Variants in ADAM2 observed in about 807,000 individuals in gnomAD.
ADAM2 encodes the protein ADAM metallopeptidase domain 2, also known as disintegrin and metalloproteinase domain-containing protein 2.
A neutral mutation model predicts 99.3 loss-of-function variants in ADAM2; 101 were observed. The ratio of observed to expected loss-of-function variants is 1.02; its 90% CI spans 0.87 to 1.20. The LOEUF is 1.20. ADAM2 is among the 50% of genes most tolerant of loss of function. The pLI, the probability that ADAM2 is intolerant of heterozygous loss-of-function variation, is 0.00. For synonymous variants in ADAM2, 323 were observed against 287.6 expected (o/e 1.12, Z -1.25); for missense variants, 948 against 878.7 (o/e 1.08, Z -1.00).
In ADAM2 at chr8:39,821,166, C is replaced by T. The variant is rs752769589; in HGVS notation, c.349G>A (p.Val117Ile). 43 of 1,566,378 alleles carry T rather than the reference C, an allele frequency of 2.7e-5. No individual in the cohort carries two copies. Among genetic ancestry groups the T allele is most frequent in the South Asian group, 1.9e-4 (16 of 82,264 alleles). Residue 117 changes from valine to isoleucine, a missense_variant, in exon 6 of 21, where the codon GTA (valine) becomes ATA (isoleucine). Val to Ile is a conservative substitution (Grantham distance 29, BLOSUM62 3). Coordinates refer to ENST00000265708, the MANE Select transcript of ADAM2 (RefSeq NM_001464.5). ...TAACTAACATTTTCAAACTGTAGTA[C>T]GCCCCTAAAAATTTCAAAAAAAAAT... ...MVSTCTGLRG[V>I]LQFENVSYGI...
intron 11 of ADAM2, among the ~76,000 whole-genome samples, chr8:39,773,872 T>C (rs1264581009): frequency 6.6e-6 from 1 of 151,812 alleles, no homozygotes; most frequent in African/African-American, 2.4e-5. Flanking sequence ...GTCAAAGGAA[T>C]TGCAAGAGAA....
chr8:39,800,048 G>A (rs1345153534), intron 7 of ADAM2, among the ~76,000 whole-genome samples: 1 of 152,084 alleles, frequency 6.6e-6, no homozygotes, highest in Admixed American at 6.5e-5. Flanking sequence ...ATTGCTATGT[G>A]TGAATGTGAT....
At chr8:39,750,600 C>A (rs893269081) in intron 16 of ADAM2, among the ~76,000 whole-genome samples, 10 of 152,058 alleles carry the variant, frequency 6.6e-5, no homozygotes, top group Admixed American at 6.6e-4. Flanking sequence ...AAATGATAAG[C>A]ATACAATGAA....
At chr8:39,835,725 T>C (rs1805796164) in intron 2 of ADAM2, among the ~76,000 whole-genome samples, 1 of 152,054 alleles carries the variant, frequency 6.6e-6, no homozygotes, top group African/African-American at 2.4e-5. Context: ...AATAATCTTA[T>C]GGTTTCTAGC....
intron 2 of ADAM2, among the ~76,000 whole-genome samples, chr8:39,836,224 A>G (rs1261146735): frequency 6.6e-6 from 1 of 152,042 alleles, no homozygotes; most frequent in African/African-American, 2.4e-5. Flanking sequence ...TACTTATTGC[A>G]AATAACTATC....
At chr8:39,773,308 G>C (rs1399892927) in intron 11 of ADAM2, among the ~76,000 whole-genome samples, 3 of 151,748 alleles carry the variant, frequency 2.0e-5, no homozygotes, top group African/African-American at 4.8e-5. Flanking sequence ...CTTGTGATTA[G>C]AGAGAAATGC....
At chr8:39,773,630 T>C (rs185535395) in intron 11 of ADAM2, among the ~76,000 whole-genome samples, 1 of 151,862 alleles carries the variant, frequency 6.6e-6, no homozygotes, top group Non-Finnish European at 1.5e-5. Context: ...AAAGATTTTA[T>C]GAAAAATTAA....
chr8:39,765,681 A>T (rs1802541966), intron 14 of ADAM2, among the ~76,000 whole-genome samples: 1 of 152,092 alleles, frequency 6.6e-6, no homozygotes, highest in South Asian at 2.1e-4. Flanking sequence ...AATCATCCAC[A>T]TTGTGGTACC....
chr8:39,814,010 C>T (rs984552635), intron 6 of ADAM2, among the ~76,000 whole-genome samples: 1 of 151,568 alleles, frequency 6.6e-6, no homozygotes, highest in Non-Finnish European at 1.5e-5. Flanking sequence ...TACACAGATG[C>T]ATGAGAGAAT....
At chr8:39,745,077 C>G (rs945361858) in intron 19 of ADAM2, among the ~76,000 whole-genome samples, 184 bp from the exon 20 acceptor site, 3 of 152,048 alleles carry the variant, frequency 2.0e-5, no homozygotes, top group African/African-American at 4.8e-5. Flanking sequence ...TAATGAACAT[C>G]TTTGCATCAG....
intron 7 of ADAM2, among the ~76,000 whole-genome samples, chr8:39,801,944 C>G (rs981691668): frequency 6.6e-6 from 1 of 152,042 alleles, no homozygotes; most frequent in Non-Finnish European, 1.5e-5. Flanking sequence ...TAGGCAGTTG[C>G]TAGTCCCAGA....
At chr8:39,798,441 C>T (rs1045198458) in intron 7 of ADAM2, among the ~76,000 whole-genome samples, 3 of 152,020 alleles carry the variant, frequency 2.0e-5, no homozygotes, top group Non-Finnish European at 4.4e-5. Flanking sequence ...TTTGGTTTGC[C>T]AGTATTTTAT....
intron 7 of ADAM2, among the ~76,000 whole-genome samples, chr8:39,794,419 C>T (rs1451715090): frequency 6.6e-6 from 1 of 152,020 alleles, no homozygotes; most frequent in East Asian, 1.9e-4. Context: ...CTATAGCATG[C>T]TGGTTTATTT....
chr8:39,797,624 T>G (rs550191788), intron 7 of ADAM2, among the ~76,000 whole-genome samples: 1 of 152,366 alleles, frequency 6.6e-6, no homozygotes, highest in South Asian at 2.1e-4. Flanking sequence ...ATTGAATCTA[T>G]AAATTACTTT....
At chr8:39,829,888 C>T (rs1805549369) in intron 3 of ADAM2, among the ~76,000 whole-genome samples, 1 of 151,924 alleles carries the variant, frequency 6.6e-6, no homozygotes, top group African/African-American at 2.4e-5. Flanking sequence ...CATCATAATT[C>T]ATTTATTTAG....
At chr8:39,814,951 G>C (rs1000412351) in intron 6 of ADAM2, among the ~76,000 whole-genome samples, 2 of 151,756 alleles carry the variant, frequency 1.3e-5, no homozygotes, top group Non-Finnish European at 2.9e-5. Flanking sequence ...GTCAGAAAAA[G>C]TAAGAAAGAA....
intron 7 of ADAM2, among the ~76,000 whole-genome samples, chr8:39,791,059 T>TAA (rs201261869): frequency 1.4e-5 from 2 of 143,334 alleles, no homozygotes; most frequent in Admixed American, 1.4e-4. Context: ...ACTTACAATT[T>TAA]AAAAAAAAAA....
intron 14 of ADAM2, among the ~76,000 whole-genome samples, chr8:39,763,555 C>G (rs1468185203): frequency 6.6e-6 from 1 of 152,226 alleles, no homozygotes; most frequent in Non-Finnish European, 1.5e-5. Flanking sequence ...AGCAATAGCA[C>G]ATGTGCATTC....
intron 3 of ADAM2, among the ~76,000 whole-genome samples, chr8:39,826,287 G>A (rs980651838): frequency 3.9e-5 from 6 of 152,114 alleles, no homozygotes; most frequent in South Asian, 2.1e-4. Context: ...ATAAAACAAC[G>A]CATTTACAGT....
Sources: allele counts gnomAD v4.1 joint callset (sites outside exome capture counted in the v4.1 genomes callset), GRCh38; gene constraint gnomAD v4.1.1; transcripts MANE v1.5; gene names NCBI Gene and HGNC (gene_info 2026-07-23, HGNC 2026-07-21).